STARD13: variants seen among roughly 807,000 people sequenced by gnomAD.
STARD13 encodes StAR related lipid transfer domain containing 13.
STARD13 carries 62 observed loss-of-function variants against 106.4 expected under a neutral mutation model. The observed-to-expected ratio is 0.58, with a 90% confidence interval of 0.48 to 0.72. STARD13 has a LOEUF of 0.72. Among genes scored for constraint, STARD13 ranks in the 30% least tolerant of loss-of-function variants. The pLI is 0.00. For synonymous variants in STARD13, 565 were observed against 553.0 expected, an observed-to-expected ratio of 1.02 and a Z score of -0.31; for missense variants, 1,387 against 1,424.0, an observed-to-expected ratio of 0.97 and a Z score of 0.42.
At chr13:33,244,053 G>C (rs1242614375) in intron 1 of STARD13, among the ~76,000 whole-genome samples, 2 of 147,052 alleles carry the variant, frequency 1.4e-5, no homozygotes, top group African/African-American at 5.0e-5. Flanking sequence ...TATCCAAAAT[G>C]CTTCAAAATC....
the STARD13 span, among the ~76,000 whole-genome samples, chr13:33,414,671 C>T: frequency 6.6e-6 from 1 of 152,018 alleles, no homozygotes; most frequent in East Asian, 1.9e-4. Flanking sequence ...GATGTGACTA[C>T]GGAAAACAGA....
At chr13:33,207,312 A>G (rs367597087) in intron 1 of STARD13, among the ~76,000 whole-genome samples, 9 of 152,330 alleles carry the variant, frequency 5.9e-5, no homozygotes, top group African/African-American at 2.2e-4. Flanking sequence ...ACTCTCACTC[A>G]ATAGAACCCT....
the STARD13 span, among the ~76,000 whole-genome samples, chr13:33,651,419 T>G: frequency 6.6e-6 from 1 of 152,190 alleles, no homozygotes; most frequent in African/African-American, 2.4e-5. Flanking sequence ...TGATCATCAT[T>G]CCGGGTTGCA....
chr13:33,344,787 T>A (rs891793191), downstream of STARD13, among the ~76,000 whole-genome samples: 1 of 152,224 alleles, frequency 6.6e-6, no homozygotes, highest in African/African-American at 2.4e-5. Flanking sequence ...GACTTAGACA[T>A]CAATTAGCTC....
At chr13:33,648,061 TA>T in the STARD13 span, among the ~76,000 whole-genome samples, 1 of 152,206 alleles carries the variant, frequency 6.6e-6, no homozygotes, top group African/African-American at 2.4e-5. Flanking sequence ...AATAAAAGCA[TA>T]TTTATAAGCT....
the STARD13 span, among the ~76,000 whole-genome samples, chr13:33,610,498 T>C: frequency 1.2e-4 from 19 of 152,254 alleles, no homozygotes; most frequent in African/African-American, 4.3e-4. Flanking sequence ...TTGCCAGTTC[T>C]CCCAGCCCCG....
chr13:33,515,305 T>C, the STARD13 span, among the ~76,000 whole-genome samples: 2 of 152,206 alleles, frequency 1.3e-5, no homozygotes, highest in African/African-American at 4.8e-5. Flanking sequence ...TTACAAGATA[T>C]GCTGCCAAAT....
intron 1 of STARD13, among the ~76,000 whole-genome samples, chr13:33,208,845 C>G (rs1467341580): frequency 6.6e-6 from 1 of 152,128 alleles, no homozygotes; most frequent in African/African-American, 2.4e-5. Context: ...CAGGTGTACA[C>G]ACATATTCAA....
At chr13:33,388,592 C>G in the STARD13 span, among the ~76,000 whole-genome samples, 24 of 152,334 alleles carry the variant, frequency 1.6e-4, no homozygotes, top group Admixed American at 2.6e-4. Context: ...TAAGTCACAT[C>G]TCTTCTAGAA....
chr13:33,289,762 G>A (rs1360353101), upstream of STARD13, among the ~76,000 whole-genome samples: 2 of 152,092 alleles, frequency 1.3e-5, no homozygotes, highest in African/African-American at 2.4e-5. Flanking sequence ...CAAGTAAGAA[G>A]TACAGATCCC....
chr13:33,656,218 G>A, the STARD13 span, among the ~76,000 whole-genome samples: 12 of 151,964 alleles, frequency 7.9e-5, no homozygotes, highest in South Asian at 4.1e-4. Flanking sequence ...TCTATACCCC[G>A]TGCTAGAAAT....
chr13:33,189,256 A>C (rs988898160), intron 1 of STARD13, among the ~76,000 whole-genome samples: 3 of 151,864 alleles, frequency 2.0e-5, no homozygotes, highest in Non-Finnish European at 2.9e-5. Context: ...AAGTGGCTGT[A>C]TCTTTTAAAA....
the STARD13 span, among the ~76,000 whole-genome samples, chr13:33,484,224 C>T: frequency 6.6e-6 from 1 of 152,104 alleles, no homozygotes; most frequent in East Asian, 1.9e-4. Flanking sequence ...AATACTGCTT[C>T]CCAAAACTAA....
At chr13:33,475,038 C>T in the STARD13 span, among the ~76,000 whole-genome samples, 5 of 152,154 alleles carry the variant, frequency 3.3e-5, no homozygotes, top group East Asian at 3.9e-4. Flanking sequence ...AAAAGGGATA[C>T]GTGCTTATAG....
In STARD13 at chr13:33,124,531, A is replaced by G. The variant is rs183380177; in HGVS notation, c.2082+1550T>C. ...GACCTGAGATGGACACAGGGGTGGA[A>G]GAGGTTTTGGTGCCCTGTGTCTTTC... On this transcript the variant is annotated intron_variant, in intron 7 of 13. Coordinates refer to ENST00000336934, the MANE Select transcript of STARD13 (RefSeq NM_178006.4). 2.8e-3 allele frequency among the ~76,000 whole-genome samples: 426 copies of G among 152,308 alleles called. 1 individual carries two copies. The highest frequency in any genetic ancestry group is 4.9e-3 in the Non-Finnish European group (334 of 68,024).
the STARD13 span, among the ~76,000 whole-genome samples, chr13:33,398,759 C>T: frequency 6.6e-6 from 1 of 152,112 alleles, no homozygotes; most frequent in Non-Finnish European, 1.5e-5. Flanking sequence ...CACTGTACAC[C>T]AGTGTTTGTG....
intron 3 of STARD13, among the ~76,000 whole-genome samples, chr13:33,161,452 C>G (rs1882614622): frequency 6.6e-6 from 1 of 152,070 alleles, no homozygotes; most frequent in Non-Finnish European, 1.5e-5. Flanking sequence ...GTAGCTGGAA[C>G]TACAGATGTG....
chr13:33,438,259 T>C, the STARD13 span, among the ~76,000 whole-genome samples: 1 of 152,246 alleles, frequency 6.6e-6, no homozygotes, highest in Admixed American at 6.5e-5. Context: ...AGGCTGCTCA[T>C]TAGTGTAAAT....
the STARD13 span, among the ~76,000 whole-genome samples, chr13:33,664,328 G>A: frequency 6.6e-6 from 1 of 152,142 alleles, no homozygotes; most frequent in East Asian, 1.9e-4. Context: ...TTTTACAATT[G>A]TTGTTGAGTT....
Sources: gnomAD v4.1 joint callset for allele counts (sites outside exome capture counted in the v4.1 genomes callset) on GRCh38, gnomAD v4.1.1 for gene constraint, MANE v1.5 for transcripts, NCBI Gene and HGNC (gene_info 2026-07-23, HGNC 2026-07-21) for gene names.